The following RNF207 variants were observed in gnomAD, a reference collection of about 807,000 sequenced individuals.
RNF207 encodes OTTHUMG00000001089.
RNF207 carries 72 observed loss-of-function variants against 79.0 expected under a neutral mutation model. The observed-to-expected ratio is 0.91, with a 90% confidence interval of 0.75 to 1.11. RNF207 has a LOEUF of 1.11. Ranked by LOEUF, RNF207 falls within the 50% of genes least tolerant of loss-of-function variation. The probability of loss-of-function intolerance (pLI) is 0.00; values close to 1 mark genes in which losing one functional copy is unlikely to be tolerated. For missense variants in RNF207, 936 were observed against 855.8 expected, an observed-to-expected ratio of 1.09 and a Z score of -1.17; for synonymous variants, 348 against 366.2, an observed-to-expected ratio of 0.95 and a Z score of 0.57.
chr1:6,208,905 A>G lies in RNF207; in HGVS notation c.349A>G (p.Asn117Asp). Residue 117 changes from asparagine (N) to aspartate (D), a missense_variant, in exon 4 of 18, where the codon AAC becomes GAC. By Grantham distance (23) the Asn-to-Asp change is conservative (BLOSUM62 1). Coordinates refer to ENST00000377939, the MANE Select transcript of RNF207 (RefSeq NM_207396.3). The stretch of plus-strand genomic sequence containing the variant: ...GGACGTGGAGACCACGTACTTCTGC[A>G]ACACGTGCGGACAGCCCCTATGCGC... Reference protein sequence around the residue: ...EQDVETTYFCNTCGQPLCARC... With the variant: ...EQDVETTYFCDTCGQPLCARC... 1 of 1,533,074 alleles carries G rather than the reference A, an allele frequency of 6.5e-7. No homozygotes were observed. Among genetic ancestry groups the G allele is most frequent in the Middle Eastern group, 1.7e-4 (1 of 5,886 alleles). 95.0% of individuals were successfully genotyped at this position (1,533,074 alleles called of 1,614,324 possible).
At chr1:6,210,140 T>C (rs1034436740) in intron 8 of RNF207, 83 bp from the exon 9 acceptor site, 9 of 1,377,852 alleles carry the variant, frequency 6.5e-6, no homozygotes, top group Non-Finnish European at 9.2e-6. Flanking sequence ...GGGACGGACA[T>C]GCGAAGCTGG....
chr1:6,212,792 C>A, intron 15 of RNF207, 59 bp downstream of exon 15: 2 of 1,396,950 alleles, frequency 1.4e-6, no homozygotes, highest in Non-Finnish European at 2.0e-6. Context: ...CACATACTAG[C>A]AGAGGAGGAA....
chr1:6,209,371 C>G (rs762610162), intron 6 of RNF207, 28 bp downstream of exon 6: 39 of 1,527,976 alleles, frequency 2.6e-5, no homozygotes, highest in Non-Finnish European at 3.4e-5. Flanking sequence ...GCGCGCGGGG[C>G]CGCGCGGCGG....
chr1:6,218,408 G>A (rs766205222), intron 17 of RNF207, 39 bp downstream of exon 17: 10 of 1,479,356 alleles, frequency 6.8e-6, no homozygotes, highest in Non-Finnish European at 8.5e-6. Flanking sequence ...TGCACGCGAT[G>A]TGGCTTCTGA....
chr1:6,213,625 GCT>G (rs1668261394), intron 16 of RNF207, among the ~76,000 whole-genome samples: 1 of 152,210 alleles, frequency 6.6e-6, no homozygotes, highest in South Asian at 2.1e-4. Context: ...TGAGTGGGCT[GCT>G]CTGAGTTTCT....
At position 6,208,863 on chromosome 1, in the gene RNF207, C is replaced by T; in HGVS notation, c.325-18C>T. 2.6e-6 allele frequency: 4 copies of T among 1,522,182 alleles called. No homozygotes were observed. The highest frequency in any genetic ancestry group is 3.5e-6 in the Non-Finnish European group (4 of 1,140,362). The allele number at this position is 1,522,182 out of a possible 1,614,324, so 94.3% of individuals were successfully genotyped here. A position where few individuals can be genotyped will look rare whatever the true frequency, so the allele number is the denominator to read the frequency against. ...GCGGTCGGGCTCTGGCGCTCCTGAGCCCGCGCTCGGCCCGCAGGACGTGGA... is the reference window on the plus strand; with the variant it reads ...GCGGTCGGGCTCTGGCGCTCCTGAGTCCGCGCTCGGCCCGCAGGACGTGGA... On this transcript the variant is annotated intron_variant, in intron 3 of 17. Transcript: ENST00000377939.
chr1:6,209,807 G>A, intron 7 of RNF207, 117 bp from the exon 8 acceptor site: 1 of 1,149,932 alleles, frequency 8.7e-7, no homozygotes, highest in Non-Finnish European at 1.2e-6. Flanking sequence ...ATGCAGGGCT[G>A]GTAGGTTGGA....
chr1:6,209,860 T>C, intron 7 of RNF207, 64 bp from the exon 8 acceptor site: 1 of 1,505,362 alleles, frequency 6.6e-7, no homozygotes, highest in Non-Finnish European at 8.9e-7. Flanking sequence ...GTCCGGGGGG[T>C]AGGCATGGTG....
Position 6,210,368 on chromosome 1 carries a change from A to G in RNF207, c.874-2A>G. Reference sequence around the variant, plus strand: ...GGCACTGAGCAGCATCCCCTCCCCCAGGTCCACCTGGTCATCTGCTCCTCC... The same window carrying G: ...GGCACTGAGCAGCATCCCCTCCCCCGGGTCCACCTGGTCATCTGCTCCTCC... On this transcript the variant is annotated splice_acceptor_variant, in intron 9 of 17. Coordinates refer to ENST00000377939, the MANE Select transcript of RNF207 (RefSeq NM_207396.3). LOFTEE classifies it high-confidence loss of function. The G allele has an allele frequency of 6.2e-7, 1 of 1,613,520 alleles. No homozygotes were observed. Among genetic ancestry groups the G allele is most frequent in the Non-Finnish European group, 8.5e-7 (1 of 1,179,786 alleles).
At chr1:6,218,061 C>A (rs919089505) in intron 16 of RNF207, among the ~76,000 whole-genome samples, 1 of 152,260 alleles carries the variant, frequency 6.6e-6, no homozygotes, top group Non-Finnish European at 1.5e-5. Context: ...GTGTCTGGCC[C>A]GACCAGCACG....
intron 16 of RNF207, 41 bp from the exon 17 acceptor site, chr1:6,218,248 G>C: frequency 7.0e-7 from 1 of 1,424,986 alleles, no homozygotes; most frequent in African/African-American, 1.4e-5. Context: ...GCAGCAGCTG[G>C]CTCTGCTCCC....
Position 6,207,727 on chromosome 1 carries a change from G to A in RNF207, c.324+216G>A. The A allele has an allele frequency of 1.4e-6, 1 of 706,978 alleles. No individual in the cohort carries two copies. The highest frequency in any genetic ancestry group is 2.6e-6 in the Non-Finnish European group (1 of 390,810). 43.8% of individuals were successfully genotyped at this position (706,978 alleles called of 1,614,324 possible). A position where few individuals can be genotyped will look rare whatever the true frequency, so the allele number is the denominator to read the frequency against. On this transcript the variant is annotated intron_variant, in intron 3 of 17. Transcript: ENST00000377939. The surrounding 1 kb of genome is among the most constrained non-coding windows in gnomAD (Gnocchi z 4.5). ...GACTTGAGCCAGTGTCCAGACAGTG[G>A]CAGAGGCTAAGGCCATTCGATCTGG... is the stretch of plus-strand genomic sequence containing the variant.
Position 6,217,214 on chromosome 1 carries a change from T to G in RNF207, c.1653-1075T>G, listed in dbSNP as rs1198275283. Among the ~76,000 whole-genome samples, 1 of 152,288 alleles carries G rather than the reference T, an allele frequency of 6.6e-6. No homozygotes were observed. Among genetic ancestry groups the G allele is most frequent in the East Asian group, 1.9e-4 (1 of 5,176 alleles). ...CTTTGCTGACAGCCCCGCGCTCCCA[T>G]GCTCCTGCCAGCCTCTCCAGCCGTT... On this transcript the variant is annotated intron_variant, in intron 16 of 17. Transcript: ENST00000377939. The surrounding 1 kb of genome is among the most constrained non-coding windows in gnomAD (Gnocchi z 4.2).
chr1:6,213,732 T>C (rs1166820566), intron 16 of RNF207, among the ~76,000 whole-genome samples: 1 of 152,164 alleles, frequency 6.6e-6, no homozygotes, highest in Non-Finnish European at 1.5e-5. Context: ...GCTGGGCTGA[T>C]CCAGGCAGCA....
chr1:6,212,931 C>T (rs1465629702), intron 15 of RNF207, 135 bp from the exon 16 acceptor site: 1 of 769,348 alleles, frequency 1.3e-6, no homozygotes, highest in African/African-American at 1.7e-5. Flanking sequence ...AGAATGCCCC[C>T]ACCAAGTGCC....
At position 6,211,066 on chromosome 1, in the gene RNF207, C is replaced by T; in HGVS notation, c.1057C>T (p.Leu353=). The change falls in exon 12 of 18, where the codon CTG becomes TTG. Residue 353 remains leucine (L), a synonymous_variant. Transcript: ENST00000377939. This position sits in a 1 kb window ranked among gnomAD's most constrained non-coding sequence, Gnocchi z 4.2. The part of the protein sequence containing the change: ...RAEFARCLEP[L]LLLGPRRVAA... ...TGAATTCGCGCGCTGTCTGGAGCCA[C>T]TGCTGCTGCTGGGGCCACGTCGGGT... 1 of 1,602,328 alleles carries T rather than the reference C, an allele frequency of 6.2e-7. No individual in the cohort carries two copies. The highest frequency in any genetic ancestry group is 1.1e-5 in the South Asian group (1 of 90,318).
rs1198801862 is a variant in RNF207, at chr1:6,217,823, C to T, written c.1653-466C>T. ...TGGACAGCTCTCTTGGGGACCTTCC[C>T]TGTGCACCTGTGACCGTGTCTGCCC... On this transcript the variant is annotated intron_variant, in intron 16 of 17. Transcript: ENST00000377939. This position sits in a 1 kb window ranked among gnomAD's most constrained non-coding sequence, Gnocchi z 4.2. Among the ~76,000 whole-genome samples the T allele has an allele frequency of 6.6e-6, 1 of 152,212 alleles. No homozygotes were observed. Among genetic ancestry groups the T allele is most frequent in the East Asian group, 1.9e-4 (1 of 5,198 alleles).
At position 6,212,003 on chromosome 1, in the gene RNF207, G is replaced by C. The variant is rs199839801; in HGVS notation, c.1246G>C (p.Glu416Gln). 2 of 1,592,118 alleles carry C rather than the reference G, an allele frequency of 1.3e-6. No individual in the cohort carries two copies. Among genetic ancestry groups the C allele is most frequent in the Admixed American group, 3.5e-5 (2 of 56,744 alleles). The change falls in exon 13 of 18, where the codon GAG becomes CAG. Residue 416 changes from glutamate to glutamine, a missense_variant. Coordinates refer to ENST00000377939, the MANE Select transcript of RNF207 (RefSeq NM_207396.3). Reference protein sequence around the residue: ...ISTKVLLAEGENTPFAEHCRH... With the variant: ...ISTKVLLAEGQNTPFAEHCRH... ...CACCAAGGTGCTGCTGGCGGAGGGC[G>C]AGAACACGCCCTTCGCAGAGCACTG...
rs762065061 is a variant in RNF207 at position 6,219,222 on chromosome 1, G to C, written c.1734-14G>C. On this transcript the variant is annotated splice_polypyrimidine_tract_variant and intron_variant, in intron 17 of 17. Coordinates refer to ENST00000377939, the MANE Select transcript of RNF207 (RefSeq NM_207396.3). Reference sequence around the variant, plus strand: ...GGGGGAGCGGGCTGGGCTTACATGAGGCTGTCCCTTTAGGAATAATCCAGG... The same window carrying C: ...GGGGGAGCGGGCTGGGCTTACATGACGCTGTCCCTTTAGGAATAATCCAGG... 10 of 1,598,826 alleles carry C rather than the reference G, an allele frequency of 6.3e-6. No homozygotes were observed. Among genetic ancestry groups the C allele is most frequent in the Non-Finnish European group, 7.7e-6 (9 of 1,171,624 alleles).
Sources: allele counts gnomAD v4.1 joint callset (sites outside exome capture counted in the v4.1 genomes callset), GRCh38; gene constraint gnomAD v4.1.1; non-coding constraint Gnocchi (gnomAD v3.1); transcripts MANE v1.5; gene names NCBI Gene and HGNC (gene_info 2026-07-23, HGNC 2026-07-21).